BAALC: variants seen among roughly 807,000 people sequenced by gnomAD.
BAALC encodes the protein BAALC binder of MAP3K1 and KLF4, also known as brain and acute leukemia cytoplasmic protein.
Under a neutral mutation model 15.5 loss-of-function variants are expected in BAALC, and 9 were observed. The ratio of observed to expected loss-of-function variants is 0.58; its 90% CI spans 0.35 to 1.02. The LOEUF is 1.02. Ranked by LOEUF, BAALC falls within the 50% of genes least tolerant of loss-of-function variation. BAALC has a pLI of 0.02. For synonymous variants in BAALC, 80 were observed against 74.6 expected, an observed-to-expected ratio of 1.07 and a Z score of -0.37; for missense variants, 201 against 192.4, an observed-to-expected ratio of 1.04 and a Z score of -0.27.
At chr8:103,168,279 C>T (rs1457721054) in intron 1 of BAALC, among the ~76,000 whole-genome samples, 1 of 152,146 alleles carries the variant, frequency 6.6e-6, no homozygotes, top group Non-Finnish European at 1.5e-5. Context: ...GCAAGTCATA[C>T]TCTTTCTTGA....
At chr8:103,142,701 G>T (rs964491511) in intron 1 of BAALC, among the ~76,000 whole-genome samples, 2 of 152,220 alleles carry the variant, frequency 1.3e-5, no homozygotes, top group African/African-American at 2.4e-5. Flanking sequence ...GTGTGTGTAT[G>T]TGCGTATATG....
intron 1 of BAALC, among the ~76,000 whole-genome samples, chr8:103,144,150 G>T (rs1810836514): frequency 6.6e-6 from 1 of 152,200 alleles, no homozygotes; most frequent in Non-Finnish European, 1.5e-5. Context: ...TTGAGGGTGT[G>T]TCACATGACA....
intron 1 of BAALC, among the ~76,000 whole-genome samples, chr8:103,163,920 G>T (rs989380350): frequency 1.3e-5 from 2 of 152,202 alleles, no homozygotes; most frequent in African/African-American, 4.8e-5. Flanking sequence ...GGCTGGAGCA[G>T]TGGACAAGAC....
At chr8:103,192,677 C>G (rs1439823941) in intron 1 of BAALC, among the ~76,000 whole-genome samples, 1 of 152,152 alleles carries the variant, frequency 6.6e-6, no homozygotes. Flanking sequence ...CCAAGGGAAA[C>G]TCTAAAAGGA....
intron 1 of BAALC, among the ~76,000 whole-genome samples, chr8:103,185,043 A>G (rs995915332): frequency 1.3e-5 from 2 of 152,072 alleles, no homozygotes; most frequent in Non-Finnish European, 2.9e-5. Flanking sequence ...ACCACTCCCT[A>G]GTCTCCGAAG....
At chr8:103,178,798 G>A (rs184071111) in intron 1 of BAALC, among the ~76,000 whole-genome samples, 163 of 151,610 alleles carry the variant, frequency 1.1e-3, no homozygotes, top group African/African-American at 3.7e-3. Flanking sequence ...AGGAGGCAGA[G>A]GTTGCAGTGA....
chr8:103,178,817 T>C (rs2129966808), intron 1 of BAALC, among the ~76,000 whole-genome samples: 1 of 149,832 alleles, frequency 6.7e-6, no homozygotes, highest in East Asian at 2.0e-4. Flanking sequence ...GAGCCAAGAT[T>C]GCACCACTGC....
At chr8:103,212,877 A>T in intron 1 of BAALC, 42 bp from the exon 2 acceptor site, 1 of 1,563,828 alleles carries the variant, frequency 6.4e-7, no homozygotes, top group Non-Finnish European at 8.7e-7. Context: ...AACATCTGCC[A>T]TGTGCAAGCT....
intron 1 of BAALC, among the ~76,000 whole-genome samples, chr8:103,174,441 G>A (rs951212466): frequency 2.6e-5 from 4 of 152,170 alleles, no homozygotes; most frequent in Admixed American, 1.3e-4. Context: ...TCATAGCATG[G>A]CCTGCTACTC....
chr8:103,176,168 G>C (rs1811601669), intron 1 of BAALC, among the ~76,000 whole-genome samples: 1 of 152,094 alleles, frequency 6.6e-6, no homozygotes, highest in Non-Finnish European at 1.5e-5. Context: ...TTTATTTAGG[G>C]GGGCATGAAA....
chr8:103,144,298 T>G (rs544314296), intron 1 of BAALC, among the ~76,000 whole-genome samples: 1 of 152,340 alleles, frequency 6.6e-6, no homozygotes, highest in East Asian at 1.9e-4. Flanking sequence ...TGGTTCCTGT[T>G]TTTGGAGATC....
intron 1 of BAALC, among the ~76,000 whole-genome samples, chr8:103,187,264 A>G (rs1170701565): frequency 6.6e-6 from 1 of 152,172 alleles, no homozygotes; most frequent in Non-Finnish European, 1.5e-5. Context: ...CCAATGCTTG[A>G]GAGCAGTGGT....
chr8:103,222,149 A>G (rs59299635), intron 2 of BAALC, among the ~76,000 whole-genome samples: 17,822 of 152,174 alleles, frequency 0.12, 1,311 homozygotes, highest in African/African-American at 0.2. Flanking sequence ...GTGGAGACCA[A>G]GTTTTATTGT....
intron 1 of BAALC, among the ~76,000 whole-genome samples, chr8:103,152,640 G>A (rs1811010509): frequency 6.6e-6 from 1 of 152,232 alleles, no homozygotes; most frequent in African/African-American, 2.4e-5. Context: ...GTGGATGTTT[G>A]TTGAATGAAG....
chr8:103,163,327 G>A (rs1000793411), intron 1 of BAALC, among the ~76,000 whole-genome samples: 8 of 152,070 alleles, frequency 5.3e-5, no homozygotes, highest in South Asian at 2.1e-4. Flanking sequence ...TGCTGCTGAC[G>A]TTATCCTCCC....
chr8:103,212,063 A>G (rs890771085), intron 1 of BAALC, among the ~76,000 whole-genome samples: 2 of 152,168 alleles, frequency 1.3e-5, no homozygotes, highest in Non-Finnish European at 2.9e-5. Flanking sequence ...CAGTGAGGCT[A>G]TTTATTTAAA....
intron 1 of BAALC, among the ~76,000 whole-genome samples, chr8:103,194,269 C>T (rs1003018468): frequency 2.6e-5 from 4 of 152,214 alleles, no homozygotes; most frequent in Admixed American, 1.3e-4. Flanking sequence ...GATTCCTTAA[C>T]CCTGAAGCAA....
At chr8:103,215,939 G>T (rs2130074306) in intron 2 of BAALC, among the ~76,000 whole-genome samples, 1 of 152,254 alleles carries the variant, frequency 6.6e-6, no homozygotes, top group African/African-American at 2.4e-5. Flanking sequence ...ATTATCACCA[G>T]CCCAGAAATC....
At chr8:103,206,061 T>C (rs1322876799) in intron 1 of BAALC, among the ~76,000 whole-genome samples, 1 of 152,170 alleles carries the variant, frequency 6.6e-6, no homozygotes, top group Non-Finnish European at 1.5e-5. Context: ...TAATAAGTTT[T>C]GAATATAAGT....
Sources: allele counts gnomAD v4.1 joint callset (sites outside exome capture counted in the v4.1 genomes callset), GRCh38; gene constraint gnomAD v4.1.1; transcripts MANE v1.5; gene names NCBI Gene and HGNC (gene_info 2026-07-23, HGNC 2026-07-21).